Variants in PRMT5 observed in about 807,000 individuals in gnomAD.
The protein encoded by PRMT5 is protein arginine N-methyltransferase 5.
In PRMT5, 15 loss-of-function variants were observed where a neutral mutation model predicts 84.0. The observed-to-expected ratio is 0.18, with a 90% CI of 0.12 to 0.28. The LOEUF (loss-of-function observed/expected upper bound fraction) is 0.28, where lower values mean the gene tolerates loss of function less well. Among genes scored for constraint, PRMT5 ranks in the 10% least tolerant of loss-of-function variants. The pLI is 1.00. For synonymous variants in PRMT5, 276 were observed against 292.4 expected, an observed-to-expected ratio of 0.94 and a Z score of 0.57; for missense variants, 486 against 808.0, an observed-to-expected ratio of 0.60 and a Z score of 4.83.
At position 22,926,764 on chromosome 14, in the gene PRMT5, T is replaced by G. The variant is rs1476664890; in HGVS notation, c.501A>C (p.Ile167=). ...LVAPEDLRDD[I]IENAPTTHTE... is the part of the protein sequence containing the mutation. ...TGTGTGTAGTTGGTGCATTCTCAAT[T>G]ATATCATCTCTCAGGTCCTCTGGTG... The change falls in exon 5 of 17, where the codon ATA becomes ATC. Residue 167 remains isoleucine, a synonymous_variant. Transcript: ENST00000324366. 1 of 1,614,126 alleles carries G rather than the reference T, an allele frequency of 6.2e-7. No homozygotes were observed. The highest frequency in any genetic ancestry group is 8.5e-7 in the Non-Finnish European group (1 of 1,180,016).
In PRMT5 at chr14:22,928,242, C is replaced by A; in HGVS notation, c.230-31G>T. 3 of 1,602,580 alleles carry A rather than the reference C, an allele frequency of 1.9e-6. 1 individual carries two copies. The South Asian group carries it at 3.3e-5, about 18-fold the overall frequency. ...CTCCCCCACCCAAGAAAGACAAATA[C>A]TGAATAAGGTTCAGCACTTTACTTG... On this transcript the variant is annotated intron_variant, in intron 2 of 16. Coordinates refer to ENST00000324366, the MANE Select transcript of PRMT5 (RefSeq NM_006109.5). The surrounding 1 kb of genome is among the most constrained non-coding windows in gnomAD (Gnocchi z 4.8).
rs774969665 is a variant in PRMT5, at chr14:22,924,843, T to C, written c.939+36A>G. ...ATATATTCTCAAGAAACATTTTCCA[T>C]CCCACCTTCCTCCTCTAAGTGCACT... is the stretch of plus-strand genomic sequence containing the variant. On this transcript the variant is annotated intron_variant, in intron 8 of 16. Transcript: ENST00000324366. The surrounding 1 kb of genome is among the most constrained non-coding windows in gnomAD (Gnocchi z 6.5). 6 of 1,603,852 alleles carry C rather than the reference T, an allele frequency of 3.7e-6. No individual in the cohort carries two copies. In the East Asian group the frequency reaches 6.7e-5, roughly 18 times the overall value.
Position 22,923,750 on chromosome 14 carries a change from G to A in PRMT5, c.1375+258C>T, listed in dbSNP as rs561288399. On this transcript the variant is annotated intron_variant, in intron 12 of 16. Transcript: ENST00000324366. This position sits in a 1 kb window ranked among gnomAD's most constrained non-coding sequence, Gnocchi z 5.2. ...GCTGGTCTCAAACTCCTGACCTCCC[G>A]CCTTGGCCTCCCAAAGTGCTGCAAT... Among the ~76,000 whole-genome samples, 3 of 152,148 alleles carry A rather than the reference G, an allele frequency of 2.0e-5. No individual in the cohort carries two copies. Among genetic ancestry groups the A allele is most frequent in the East Asian group, 1.9e-4 (1 of 5,164 alleles).
chr14:22,925,165 T>A (rs966918190), intron 7 of PRMT5, 125 bp from the exon 8 acceptor site: 63 of 853,212 alleles, frequency 7.4e-5, no homozygotes, highest in East Asian at 6.9e-4. Flanking sequence ...TTTTTTTTTT[T>A]TAAAAAAAAA....
In PRMT5 at chr14:22,928,270, C is replaced by A; in HGVS notation, c.230-59G>T. 1 of 1,563,674 alleles carries A rather than the reference C, an allele frequency of 6.4e-7. No individual in the cohort carries two copies. Among genetic ancestry groups the A allele is most frequent in the East Asian group, 2.2e-5 (1 of 44,586 alleles). On this transcript the variant is annotated intron_variant, in intron 2 of 16. Coordinates refer to ENST00000324366, the MANE Select transcript of PRMT5 (RefSeq NM_006109.5). This position sits in a 1 kb window ranked among gnomAD's most constrained non-coding sequence, Gnocchi z 4.8. ...AATAAGGTTCAGCACTTTACTTGTT[C>A]AATTTTTAGTTTTGGGAATCAAGAG...
chr14:22,927,673 TGAAGAG>T lies in PRMT5; in HGVS notation c.316-19_316-14del. 6.2e-7 allele frequency: 1 copy of T among 1,610,364 alleles called. No homozygotes were observed. Among genetic ancestry groups the T allele is most frequent in the Non-Finnish European group, 8.5e-7 (1 of 1,179,000 alleles). ...CCTGTAACATGGCCTGGAACGGAGA[TGAAGAG>T]GAAAAGTTTGAGCTAACAAGCAAAC... On this transcript the variant is annotated splice_polypyrimidine_tract_variant and intron_variant, in intron 3 of 16. Transcript: ENST00000324366.
intron 16 of PRMT5, among the ~76,000 whole-genome samples, chr14:22,921,911 A>G (rs1390074361): frequency 1.3e-5 from 2 of 150,052 alleles, no homozygotes; most frequent in Non-Finnish European, 3.0e-5. Context: ...AAAAGACAGC[A>G]AGAGAGATAA....
In PRMT5 at chr14:22,924,834, C is replaced by T. The variant is rs186107090; in HGVS notation, c.939+45G>A. The T allele has an allele frequency of 3.7e-4, 594 of 1,601,388 alleles. 5 individuals carry two copies. The highest frequency in any genetic ancestry group is 6.3e-5 in the Non-Finnish European group (74 of 1,172,312). ...TTTGGAGGCATATATTCTCAAGAAA[C>T]ATTTTCCATCCCACCTTCCTCCTCT... On this transcript the variant is annotated intron_variant, in intron 8 of 16. Transcript: ENST00000324366. The surrounding 1 kb of genome is among the most constrained non-coding windows in gnomAD (Gnocchi z 6.5).
intron 7 of PRMT5, 98 bp from the exon 8 acceptor site, chr14:22,925,138 G>C: frequency 2.5e-6 from 3 of 1,204,000 alleles, no homozygotes; most frequent in African/African-American, 1.6e-5. Context: ...ATAAGGCCCA[G>C]ATCAACAGTT....
At chr14:22,926,066 G>A (rs1364539059) in intron 7 of PRMT5, 67 bp downstream of exon 7, 5 of 1,426,138 alleles carry the variant, frequency 3.5e-6, no homozygotes, top group East Asian at 2.3e-5. Context: ...AGGAAAAAAC[G>A]ATCATACACA....
chr14:22,924,636 T>C lies in PRMT5; in HGVS notation c.1013A>G (p.Gln338Arg), dbSNP rs2044377765. 6.2e-7 allele frequency: 1 copy of C among 1,613,178 alleles called. No homozygotes were observed. Among genetic ancestry groups the C allele is most frequent in the Non-Finnish European group, 8.5e-7 (1 of 1,179,248 alleles). Residue 338 changes from glutamine (Q) to arginine (R), a missense_variant, in exon 9 of 17, where the codon CAG becomes CGG. Physicochemically the swap from Gln to Arg is conservative, Grantham distance 43. Around this residue, in one of 4 missense-constraint regions of PRMT5, gnomAD observed 219 missense variants for 433.6 expected, o/e 0.51. Transcript: ENST00000324366. This position sits in a 1 kb window ranked among gnomAD's most constrained non-coding sequence, Gnocchi z 6.5. ...EKDPIKYSQY[Q>R]QAIYKCLLDR... ...ACCCTGGGCACCACACAGTACCTGC[T>C]GGTACTGAGAGTATTTGATGGGGTC...
At chr14:22,921,738 C>A (rs1176793701) in intron 16 of PRMT5, among the ~76,000 whole-genome samples, 1 of 151,926 alleles carries the variant, frequency 6.6e-6, no homozygotes, top group East Asian at 1.9e-4. Flanking sequence ...CAAGAATTAG[C>A]CGGGTGTGGT....
Position 22,929,311 on chromosome 14 carries a change from C to G in PRMT5, c.51G>C (p.Gly17=), listed in dbSNP as rs2044497714. ...TTTCGGGGACGCAATTCAGGTCCCT[C>G]CCGCTGGACACGCGGCTCCCACCAG... is the stretch of plus-strand genomic sequence containing the variant. ...GGAGGSRVSS[G]RDLNCVPEIA... is the part of the protein sequence containing the mutation. Residue 17 remains glycine (G), a synonymous_variant, in exon 1 of 17, where the codon GGG becomes GGC. Transcript: ENST00000324366. 1 of 1,613,232 alleles carries G rather than the reference C, an allele frequency of 6.2e-7. No individual in the cohort carries two copies. The highest frequency in any genetic ancestry group is 8.5e-7 in the Non-Finnish European group (1 of 1,179,782).
rs559192836 is a variant in PRMT5 at position 22,924,946 on chromosome 14, C to T, written c.872G>A (p.Arg291His). The change falls in exon 8 of 17, where the codon CGT (arginine) becomes CAT (histidine). Residue 291 changes from arginine to histidine, a missense_variant. Physicochemically the swap from Arg to His is conservative, Grantham distance 29. Transcript: ENST00000324366. The surrounding 1 kb of genome is among the most constrained non-coding windows in gnomAD (Gnocchi z 6.5). ...LQYLEYLSQN[R>H]PPPNAYELFA... ...GAGTTCATAGGCATTAGGTGGAGGA[C>T]GGTTCTGGCTTAAGTATTCCAGGTA... The T allele has an allele frequency of 4.3e-6, 7 of 1,614,000 alleles. No homozygotes were observed. The highest frequency in any genetic ancestry group is 2.7e-5 in the African/African-American group (2 of 74,900).
intron 7 of PRMT5, 41 bp from the exon 8 acceptor site, chr14:22,925,081 A>G: frequency 1.2e-6 from 2 of 1,603,352 alleles, no homozygotes; most frequent in Non-Finnish European, 1.7e-6. Flanking sequence ...CCCTCAAACC[A>G]AGATTCTGGA....
In PRMT5 at chr14:22,926,303, G is replaced by A. The variant is rs1331830988; in HGVS notation, c.614-7C>T. On this transcript the variant is annotated splice_region_variant and splice_polypyrimidine_tract_variant and intron_variant, in intron 6 of 16. Coordinates refer to ENST00000324366, the MANE Select transcript of PRMT5 (RefSeq NM_006109.5). ...TCAGCCCCAATTTCAAGAGCTACATGAGGCAAAAGAAAAACTGTCAACCAC... is the reference window on the plus strand; with the variant it reads ...TCAGCCCCAATTTCAAGAGCTACATAAGGCAAAAGAAAAACTGTCAACCAC... 1 of 1,612,310 alleles carries A rather than the reference G, an allele frequency of 6.2e-7. No homozygotes were observed. Among genetic ancestry groups the A allele is most frequent in the African/African-American group, 1.3e-5 (1 of 74,740 alleles).
In PRMT5 at chr14:22,926,157, C is replaced by T; in HGVS notation, c.753G>A (p.Gln251=). 1.2e-6 allele frequency: 2 copies of T among 1,612,136 alleles called. No individual in the cohort carries two copies. Among genetic ancestry groups the T allele is most frequent in the Middle Eastern group, 1.7e-4 (1 of 6,028 alleles). ...KGFPVLSKMH[Q]RLIFRLLKLE... ...CCTTGAGGAGCCGGAAGATGAGCCT[C>T]TGGTGCATCTTAGAAAGAACAGGAA... The change falls in exon 7 of 17, where the codon CAG becomes CAA. Residue 251 remains glutamine (Q), a synonymous_variant. Coordinates refer to ENST00000324366, the MANE Select transcript of PRMT5 (RefSeq NM_006109.5).
At chr14:22,925,137 A>C in intron 7 of PRMT5, 97 bp from the exon 8 acceptor site, 1 of 1,269,558 alleles carries the variant, frequency 7.9e-7, no homozygotes, top group Non-Finnish European at 1.1e-6. Flanking sequence ...AATAAGGCCC[A>C]GATCAACAGT....
At position 22,926,672 on chromosome 14, in the gene PRMT5, A is replaced by G. The variant is rs776766223; in HGVS notation, c.563+30T>C. 3 of 1,603,784 alleles carry G rather than the reference A, an allele frequency of 1.9e-6. No individual in the cohort carries two copies. The East Asian group carries it at 6.7e-5, about 36-fold the overall frequency. On this transcript the variant is annotated intron_variant, in intron 5 of 16. Coordinates refer to ENST00000324366, the MANE Select transcript of PRMT5 (RefSeq NM_006109.5). Reference sequence around the variant, plus strand: ...TACTTCCCCTCACCCTATCCCTTGCACCCTGGTACAGCAGCAAAGGGAGAC... The same window carrying G: ...TACTTCCCCTCACCCTATCCCTTGCGCCCTGGTACAGCAGCAAAGGGAGAC...
Sources: gnomAD v4.1 joint callset for allele counts (sites outside exome capture counted in the v4.1 genomes callset) on GRCh38, gnomAD v4.1.1 for gene constraint, gnomAD v4.1.1 regional missense constraint, Gnocchi (gnomAD v3.1) non-coding constraint, MANE v1.5 for transcripts, NCBI Gene and HGNC (gene_info 2026-07-23, HGNC 2026-07-21) for gene names.